Variants in VAC14 observed in about 807,000 individuals in gnomAD.
The protein encoded by VAC14 is VAC14 component of PIKFYVE complex, also known as protein VAC14 homolog.
A neutral mutation model predicts 85.3 loss-of-function variants in VAC14; 47 were observed. The ratio of observed to expected loss-of-function variants is 0.55; its 90% CI spans 0.44 to 0.70. The LOEUF (loss-of-function observed/expected upper bound fraction) is 0.70. Among genes scored for constraint, VAC14 ranks in the 30% least tolerant of loss-of-function variants. The probability of loss-of-function intolerance (pLI) is 0.00; values close to 1 mark genes in which losing one functional copy is unlikely to be tolerated. For missense variants in VAC14, 861 were observed against 1,004.3 expected (o/e 0.86, Z 1.93); for synonymous variants, 447 against 430.5 (o/e 1.04, Z -0.47).
intron 14 of VAC14, among the ~76,000 whole-genome samples, chr16:70,709,696 G>A (rs1597866537): frequency 2.0e-5 from 3 of 152,338 alleles, no homozygotes; most frequent in East Asian, 1.9e-4. Flanking sequence ...GCAGGTTCCC[G>A]GAAACCAGTT....
intron 14 of VAC14, among the ~76,000 whole-genome samples, chr16:70,723,681 T>A (rs1387172342): frequency 6.6e-6 from 1 of 152,232 alleles, no homozygotes; most frequent in Admixed American, 6.5e-5. Context: ...CCCTGAAAAC[T>A]GTTCCTGACC....
intron 12 of VAC14, among the ~76,000 whole-genome samples, chr16:70,757,410 A>G (rs369969617): frequency 2.0e-4 from 31 of 152,284 alleles, no homozygotes; most frequent in African/African-American, 4.8e-4. Flanking sequence ...TAATGAGTAG[A>G]GCTCATGCTG....
intron 14 of VAC14, among the ~76,000 whole-genome samples, chr16:70,713,718 T>G (rs2054087541): frequency 6.6e-6 from 1 of 151,666 alleles, no homozygotes; most frequent in African/African-American, 2.4e-5. Context: ...TGTTTTTTTT[T>G]TTTTTTGTAG....
intron 12 of VAC14, among the ~76,000 whole-genome samples, chr16:70,746,654 G>A (rs765586245): frequency 1.3e-5 from 2 of 152,252 alleles, no homozygotes; most frequent in African/African-American, 4.8e-5. Flanking sequence ...ACTGAGGACA[G>A]AGCCTCCAGG....
intron 13 of VAC14, among the ~76,000 whole-genome samples, chr16:70,736,808 C>G (rs1214108638): frequency 4.6e-5 from 7 of 152,082 alleles, no homozygotes; most frequent in Admixed American, 4.6e-4. Flanking sequence ...GGGTTGGGAG[C>G]CTTGGGAGGG....
intron 1 of VAC14, among the ~76,000 whole-genome samples, chr16:70,789,616 G>C (rs1374060203): frequency 6.6e-6 from 1 of 152,222 alleles, no homozygotes; most frequent in African/African-American, 2.4e-5. Context: ...GACTGAATTT[G>C]AGATTTCACA....
chr16:70,786,050 C>T, intron 2 of VAC14, 165 bp downstream of exon 2: 2 of 1,383,822 alleles, frequency 1.4e-6, no homozygotes, highest in Non-Finnish European at 1.9e-6. Flanking sequence ...GGGGACCAGG[C>T]TGCAAGGCCG....
intron 18 of VAC14, chr16:70,689,133 C>G: frequency 1.0e-6 from 1 of 977,126 alleles, no homozygotes; most frequent in Non-Finnish European, 1.2e-6. Context: ...AACCATAACT[C>G]CACCGCTTCC....
intron 5 of VAC14, 51 bp downstream of exon 5, chr16:70,784,062 G>T: frequency 6.8e-7 from 1 of 1,478,556 alleles, no homozygotes. Flanking sequence ...GTGCTAGAGA[G>T]CAGATTTTCC....
chr16:70,704,472 G>A (rs1437973777), intron 14 of VAC14, among the ~76,000 whole-genome samples: 1 of 152,214 alleles, frequency 6.6e-6, no homozygotes, highest in Non-Finnish European at 1.5e-5. Flanking sequence ...CTTCCTGGGG[G>A]CTTTACCCCC....
In VAC14 at chr16:70,687,794, G is replaced by A. The variant is rs758785453; in HGVS notation, c.*134C>T. Reference sequence around the variant, plus strand: ...AGCTTGGGCAGACACAGCAGCCTCCGGCCCCAACACTGCCCTGGGTTGGCA... The same window carrying A: ...AGCTTGGGCAGACACAGCAGCCTCCAGCCCCAACACTGCCCTGGGTTGGCA... On this transcript the variant is annotated 3_prime_UTR_variant, in exon 19 of 19. Transcript: ENST00000261776. The A allele has an allele frequency of 7.9e-6, 8 of 1,007,736 alleles. No individual in the cohort carries two copies. Among genetic ancestry groups the A allele is most frequent in the African/African-American group, 5.0e-5 (3 of 59,644 alleles). The allele number at this position is 1,007,736 out of a possible 1,614,324, so 62.4% of individuals were successfully genotyped here. A position where few individuals can be genotyped will look rare whatever the true frequency, so the allele number is the denominator to read the frequency against.
chr16:70,780,787 C>T lies in VAC14; in HGVS notation c.1096+3G>A. The T allele has an allele frequency of 6.3e-7, 1 of 1,591,008 alleles. No homozygotes were observed. Among genetic ancestry groups the T allele is most frequent in the Non-Finnish European group, 8.6e-7 (1 of 1,166,496 alleles). On this transcript the variant is annotated splice_donor_region_variant and intron_variant, in intron 9 of 18. Coordinates refer to ENST00000261776, the MANE Select transcript of VAC14 (RefSeq NM_018052.5). The stretch of plus-strand genomic sequence containing the variant: ...GTGAGGTGTAGGGACGGAGTCCACT[C>T]ACCACTGGCTGTGCCCTCCTGCTTT...
In VAC14 at chr16:70,692,914, T is replaced by A. The variant is rs1358728276; in HGVS notation, c.2093A>T (p.Tyr698Phe). 3 of 1,610,498 alleles carry A rather than the reference T, an allele frequency of 1.9e-6. No homozygotes were observed. The highest frequency in any genetic ancestry group is 1.1e-5 in the South Asian group (1 of 90,074). ...CTGCGGCAGGAGCATGAGCAGGCCG[T>A]AGAGGGCCTTGATCAGGTAGGGGTT... The part of the protein sequence containing the change: ...KNNPYLIKAL[Y>F]GLLMLLPQSS... Residue 698 changes from tyrosine (Y) to phenylalanine (F), a missense_variant, in exon 18 of 19, where the codon TAC (tyrosine) becomes TTC (phenylalanine). Around this residue, in one of 3 missense-constraint regions of VAC14, gnomAD observed 163 missense variants for 162.2 expected, o/e 1.00. Coordinates refer to ENST00000261776, the MANE Select transcript of VAC14 (RefSeq NM_018052.5).
intron 12 of VAC14, among the ~76,000 whole-genome samples, chr16:70,757,084 G>C (rs1259656752): frequency 6.6e-6 from 1 of 152,134 alleles, no homozygotes; most frequent in African/African-American, 2.4e-5. Flanking sequence ...AGGGGGAAGA[G>C]AGGAGTTCCT....
At chr16:70,773,524 C>G (rs1451204727) in intron 9 of VAC14, among the ~76,000 whole-genome samples, 3 of 152,164 alleles carry the variant, frequency 2.0e-5, no homozygotes, top group Non-Finnish European at 4.4e-5. Context: ...CAGTCCCCGT[C>G]TAGGCACTGG....
At chr16:70,748,412 G>C (rs189252180) in intron 12 of VAC14, among the ~76,000 whole-genome samples, 9 of 152,122 alleles carry the variant, frequency 5.9e-5, no homozygotes, top group Non-Finnish European at 1.2e-4. Context: ...GATGATGCCT[G>C]GGGGGGAGCC....
At chr16:70,788,713 A>G (rs1304540979) in intron 1 of VAC14, among the ~76,000 whole-genome samples, 4 of 152,260 alleles carry the variant, frequency 2.6e-5, no homozygotes, top group Non-Finnish European at 1.5e-5. Context: ...GTTCAGTGGT[A>G]GAATTCTCGC....
At chr16:70,714,560 A>T (rs1021095976) in intron 14 of VAC14, 3 of 152,222 alleles carry the variant, frequency 2.0e-5, no homozygotes, top group Non-Finnish European at 4.4e-5. Flanking sequence ...AGAGGAAGGA[A>T]AAAGCTGACT....
intron 2 of VAC14, 157 bp from the exon 3 acceptor site, chr16:70,786,026 A>G: frequency 7.5e-7 from 1 of 1,325,228 alleles, no homozygotes; most frequent in Non-Finnish European, 1.0e-6. Flanking sequence ...TTCCCAGGAG[A>G]GGGCCCATGC....
Sources: gnomAD v4.1 joint callset for allele counts (sites outside exome capture counted in the v4.1 genomes callset) on GRCh38, gnomAD v4.1.1 for gene constraint, gnomAD v4.1.1 regional missense constraint, MANE v1.5 for transcripts, NCBI Gene and HGNC (gene_info 2026-07-23, HGNC 2026-07-21) for gene names.